HPR: variants seen among roughly 807,000 people sequenced by gnomAD.
The protein encoded by HPR is haptoglobin-related protein.
A neutral mutation model predicts 18.5 loss-of-function variants in HPR; 17 were observed. That is an observed-to-expected ratio of 0.92 (90% CI 0.63 to 1.38). The LOEUF is 1.38. Among genes scored for constraint, HPR ranks in the 40% most tolerant of loss-of-function variants. The pLI is 0.00. For missense variants in HPR, 457 were observed against 432.4 expected (o/e 1.06, Z -0.51); for synonymous variants, 176 against 165.0 (o/e 1.07, Z -0.51).
intron 1 of HPR, among the ~76,000 whole-genome samples, chr16:72,065,498 T>A (rs1276072986): frequency 6.6e-6 from 1 of 152,026 alleles, no homozygotes; most frequent in African/African-American, 2.4e-5. Flanking sequence ...AACAAGGATA[T>A]ACCCCTTGAT....
chr16:72,063,505 G>C (rs1336006416), intron 1 of HPR, among the ~76,000 whole-genome samples: 1 of 152,084 alleles, frequency 6.6e-6, no homozygotes. Flanking sequence ...TTACGTTTTT[G>C]TCTTTGTAGG....
At chr16:72,071,364 C>G (rs1483723245) in intron 1 of HPR, among the ~76,000 whole-genome samples, 1 of 152,198 alleles carries the variant, frequency 6.6e-6, no homozygotes, top group African/African-American at 2.4e-5. Context: ...TCACGGTAGA[C>G]CAGAGGCCCA....
intron 1 of HPR, among the ~76,000 whole-genome samples, chr16:72,064,717 A>G (rs2041579436): frequency 6.6e-6 from 1 of 152,092 alleles, no homozygotes; most frequent in Admixed American, 6.5e-5. Context: ...TTGCTGAGAG[A>G]CCCTTTGTCC....
intron 1 of HPR, among the ~76,000 whole-genome samples, chr16:72,071,762 G>A (rs1166596051): frequency 1.3e-5 from 2 of 152,108 alleles, no homozygotes; most frequent in Non-Finnish European, 2.9e-5. Context: ...TAATTCCATT[G>A]GCTATCCCTT....
At chr16:72,076,190 T>C (rs2041720578) in intron 4 of HPR, 113 bp from the exon 5 acceptor site, 2 of 1,549,922 alleles carry the variant, frequency 1.3e-6, no homozygotes, top group South Asian at 1.2e-5. Flanking sequence ...GGACAAAGCA[T>C]TTAAATCTTT....
At position 72,076,959 on chromosome 16, in the gene HPR, G is replaced by A. The variant is rs766193123; in HGVS notation, c.925G>A (p.Asp309Asn). 6 of 1,614,120 alleles carry A rather than the reference G, an allele frequency of 3.7e-6. No homozygotes were observed. Among genetic ancestry groups the A allele is most frequent in the Middle Eastern group, 1.6e-4 (1 of 6,084 alleles). The stretch of plus-strand genomic sequence containing the variant: ...CTTTGCCGTTCACGACCTGGAGGAG[G>A]ACACCTGGTACGCGGCTGGGATCCT... ...SAFAVHDLEE[D>N]TWYAAGILSF... is the part of the protein sequence containing the mutation. The change falls in exon 5 of 5, where the codon GAC (aspartate) becomes AAC (asparagine). Residue 309 changes from aspartate (D) to asparagine (N), a missense_variant. Asp to Asn is a conservative substitution (Grantham distance 23). Coordinates refer to ENST00000540303, the MANE Select transcript of HPR (RefSeq NM_020995.4).
At chr16:72,074,957 G>A (rs1005966934) in intron 3 of HPR, among the ~76,000 whole-genome samples, 188 bp from the exon 4 acceptor site, 5 of 152,020 alleles carry the variant, frequency 3.3e-5, no homozygotes, top group Non-Finnish European at 4.4e-5. Flanking sequence ...CTTAACTGGT[G>A]TCCAGGCACT....
At chr16:72,066,934 G>A (rs1170817562) in intron 1 of HPR, among the ~76,000 whole-genome samples, 1 of 152,162 alleles carries the variant, frequency 6.6e-6, no homozygotes, top group Non-Finnish European at 1.5e-5. Context: ...AAGGTCCCAA[G>A]CCTCCCAAAC....
At position 72,076,898 on chromosome 16, in the gene HPR, C is replaced by T; in HGVS notation, c.864C>T (p.Tyr288=). Residue 288 remains tyrosine, a synonymous_variant, in exon 5 of 5, where the codon TAC becomes TAT. Coordinates refer to ENST00000540303, the MANE Select transcript of HPR (RefSeq NM_020995.4). ...CCTTCTGTGTCGGCATGTCTAAGTA[C>T]CAGGAAGACACCTGCTATGGCGATG... ...EHTFCVGMSK[Y]QEDTCYGDAG... is the part of the protein sequence containing the mutation. The T allele has an allele frequency of 6.2e-7, 1 of 1,614,228 alleles. No homozygotes were observed. The highest frequency in any genetic ancestry group is 1.1e-5 in the South Asian group (1 of 91,090).
In HPR at chr16:72,074,393, C is replaced by T. The variant is rs7202158; in HGVS notation, c.193+8C>T. On this transcript the variant is annotated splice_region_variant and intron_variant, in intron 3 of 4. Coordinates refer to ENST00000540303, the MANE Select transcript of HPR (RefSeq NM_020995.4). Reference sequence around the variant, plus strand: ...TGCGCACAGAAGGAGATGGTAAGACCTGGACAACTATCTCTGTGCTCTACC... The same window carrying T: ...TGCGCACAGAAGGAGATGGTAAGACTTGGACAACTATCTCTGTGCTCTACC... The T allele has an allele frequency of 1.3e-6, 2 of 1,588,734 alleles. No homozygotes were observed. Among genetic ancestry groups the T allele is most frequent in the Non-Finnish European group, 1.7e-6 (2 of 1,157,244 alleles).
intron 4 of HPR, among the ~76,000 whole-genome samples, chr16:72,075,857 G>A (rs1195412731): frequency 6.8e-6 from 1 of 146,708 alleles, no homozygotes; most frequent in Non-Finnish European, 1.5e-5. Flanking sequence ...TTGAGACAGA[G>A]TTTTGCTCTC....
chr16:72,076,965 T>C lies in HPR; in HGVS notation c.931T>C (p.Trp311Arg). ...CGTTCACGACCTGGAGGAGGACACCTGGTACGCGGCTGGGATCCTAAGCTT... is the reference window on the plus strand; with the variant it reads ...CGTTCACGACCTGGAGGAGGACACCCGGTACGCGGCTGGGATCCTAAGCTT... Reference protein sequence around the residue: ...FAVHDLEEDTWYAAGILSFDK... With the variant: ...FAVHDLEEDTRYAAGILSFDK... The change falls in exon 5 of 5, where the codon TGG (tryptophan) becomes CGG (arginine). Residue 311 changes from tryptophan to arginine, a missense_variant. Coordinates refer to ENST00000540303, the MANE Select transcript of HPR (RefSeq NM_020995.4). 6.2e-7 allele frequency: 1 copy of C among 1,614,234 alleles called. No individual in the cohort carries two copies. Among genetic ancestry groups the C allele is most frequent in the Non-Finnish European group, 8.5e-7 (1 of 1,180,044 alleles).
intron 1 of HPR, among the ~76,000 whole-genome samples, chr16:72,072,667 G>A (rs2144071332): frequency 6.6e-6 from 1 of 152,164 alleles, no homozygotes; most frequent in Admixed American, 6.5e-5. Context: ...ATTCTTGTAG[G>A]ATGCTGTGTC....
chr16:72,073,693 G>C (rs573656270), intron 1 of HPR, 199 bp from the exon 2 acceptor site: 1 of 1,480,228 alleles, frequency 6.8e-7, no homozygotes, highest in East Asian at 2.8e-5. Flanking sequence ...ATGTGGGGCG[G>C]AGGGTGGGGG....
In HPR at chr16:72,076,547, G is replaced by A; in HGVS notation, c.513G>A (p.Gln171=). ...PTLTLYVGKK[Q]LVEIEKVVLH... ...TAACACTCTATGTGGGGAAAAAGCA[G>A]CTTGTAGAGATTGAGAAGGTGGTTC... Residue 171 remains glutamine, a synonymous_variant, in exon 5 of 5, where the codon CAG becomes CAA. Transcript: ENST00000540303. The A allele has an allele frequency of 6.2e-7, 1 of 1,614,184 alleles. No individual in the cohort carries two copies. Among genetic ancestry groups the A allele is most frequent in the Non-Finnish European group, 8.5e-7 (1 of 1,180,034 alleles).
chr16:72,070,117 T>G (rs2041639374), intron 1 of HPR, among the ~76,000 whole-genome samples: 1 of 152,226 alleles, frequency 6.6e-6, no homozygotes, highest in Admixed American at 6.5e-5. Flanking sequence ...TTAACTAAAT[T>G]AGTTCTAGAA....
intron 1 of HPR, among the ~76,000 whole-genome samples, chr16:72,071,765 T>C (rs1325466683): frequency 6.6e-6 from 1 of 152,184 alleles, no homozygotes; most frequent in African/African-American, 2.4e-5. Context: ...TTCCATTGGC[T>C]ATCCCTTTCA....
rs749792857 is a variant in HPR at position 72,076,946 on chromosome 16, C to T, written c.912C>T (p.His304=). The stretch of plus-strand genomic sequence containing the variant: ...ATGCGGGCAGTGCCTTTGCCGTTCA[C>T]GACCTGGAGGAGGACACCTGGTACG... ...YGDAGSAFAV[H]DLEEDTWYAA... The change falls in exon 5 of 5, where the codon CAC becomes CAT. Residue 304 remains histidine, a synonymous_variant. Coordinates refer to ENST00000540303, the MANE Select transcript of HPR (RefSeq NM_020995.4). The T allele has an allele frequency of 4.3e-6, 7 of 1,614,092 alleles. No individual in the cohort carries two copies. The East Asian group carries it at 6.7e-5, about 15-fold the overall frequency.
At chr16:72,072,295 A>G (rs1333640924) in intron 1 of HPR, among the ~76,000 whole-genome samples, 1 of 152,194 alleles carries the variant, frequency 6.6e-6, no homozygotes, top group African/African-American at 2.4e-5. Flanking sequence ...GGCATCAGCC[A>G]CTGTGCCCAG....
Sources: allele counts gnomAD v4.1 joint callset (sites outside exome capture counted in the v4.1 genomes callset), GRCh38; gene constraint gnomAD v4.1.1; transcripts MANE v1.5; gene names NCBI Gene and HGNC (gene_info 2026-07-23, HGNC 2026-07-21).